The following RPS6KC1 variants were observed in gnomAD, a reference collection of about 807,000 sequenced individuals.
The protein encoded by RPS6KC1 is ribosomal protein S6 kinase C1.
A neutral mutation model predicts 103.8 loss-of-function variants in RPS6KC1; 54 were observed. That is an observed-to-expected ratio of 0.52 (90% confidence interval 0.42 to 0.65). The LOEUF (loss-of-function observed/expected upper bound fraction) is 0.65. Ranked by LOEUF, RPS6KC1 falls within the 30% of genes least tolerant of loss-of-function variation. RPS6KC1 has a pLI of 0.00. For synonymous variants in RPS6KC1, 439 were observed against 438.7 expected (o/e 1.00, Z -0.01); for missense variants, 1,151 against 1,253.8 (o/e 0.92, Z 1.24).
At chr1:213,793,226 C>T in the RPS6KC1 span, among the ~76,000 whole-genome samples, 1 of 152,172 alleles carries the variant, frequency 6.6e-6, no homozygotes, top group African/African-American at 2.4e-5. Context: ...TAGACCTGGG[C>T]TTGCTCCAGC....
At chr1:213,354,328 C>G in the RPS6KC1 span, among the ~76,000 whole-genome samples, 5 of 152,302 alleles carry the variant, frequency 3.3e-5, no homozygotes, top group East Asian at 7.7e-4. Context: ...TGGTAATGAT[C>G]CCCTGCACTT....
At chr1:213,291,659 A>G in the RPS6KC1 span, among the ~76,000 whole-genome samples, 1 of 152,238 alleles carries the variant, frequency 6.6e-6, no homozygotes, top group African/African-American at 2.4e-5. Context: ...GCAGCACTGC[A>G]TAAGGAAGAA....
chr1:213,310,675 T>A, the RPS6KC1 span, among the ~76,000 whole-genome samples: 4 of 152,380 alleles, frequency 2.6e-5, no homozygotes, highest in Middle Eastern at 6.8e-3. Context: ...GTATCTCTTT[T>A]GTTTGCAGGC....
rs866050621 is a variant in RPS6KC1, at chr1:213,101,039, C to T, written c.263-3415C>T. 2.0e-5 allele frequency among the ~76,000 whole-genome samples: 3 copies of T among 152,160 alleles called. No homozygotes were observed. The South Asian group carries it at 6.2e-4, about 32-fold the overall frequency. On this transcript the variant is annotated intron_variant, in intron 3 of 14. Coordinates refer to ENST00000366960, the MANE Select transcript of RPS6KC1 (RefSeq NM_012424.6). ...CACAGGGGCTGAACTAATTTACACT[C>T]CCACCAACAGTTTATAAGCATTCCC... is the stretch of plus-strand genomic sequence containing the variant.
chr1:213,809,553 A>G, the RPS6KC1 span, among the ~76,000 whole-genome samples: 2 of 152,214 alleles, frequency 1.3e-5, no homozygotes, highest in African/African-American at 4.8e-5. Flanking sequence ...ATAAAGTACA[A>G]TAAAACAAAG....
In RPS6KC1 at chr1:213,116,987, T is replaced by C. The variant is rs943746199; in HGVS notation, c.379-330T>C. Reference sequence around the variant, plus strand: ...CTTTCTCTCTGGCTGCTCTTAACATTTTTTGAATTTTAAAATAATAGTCTA... The same window carrying C: ...CTTTCTCTCTGGCTGCTCTTAACATCTTTTGAATTTTAAAATAATAGTCTA... On this transcript the variant is annotated intron_variant, in intron 4 of 14. Transcript: ENST00000366960. Among the ~76,000 whole-genome samples the C allele has an allele frequency of 5.3e-5, 8 of 152,250 alleles. No individual in the cohort carries two copies. The South Asian group carries it at 1.5e-3, about 28-fold the overall frequency.
chr1:213,461,079 T>G, the RPS6KC1 span, among the ~76,000 whole-genome samples: 1 of 152,156 alleles, frequency 6.6e-6, no homozygotes, highest in Non-Finnish European at 1.5e-5. Context: ...GATAAGCAGC[T>G]TCAGCAAAGT....
At chr1:213,407,831 G>A in the RPS6KC1 span, among the ~76,000 whole-genome samples, 2 of 152,334 alleles carry the variant, frequency 1.3e-5, no homozygotes, top group Non-Finnish European at 2.9e-5. Context: ...CAGTCCATAT[G>A]ATTGCATGTG....
chr1:213,342,365 G>C, the RPS6KC1 span, among the ~76,000 whole-genome samples: 1 of 152,160 alleles, frequency 6.6e-6, no homozygotes, highest in Admixed American at 6.5e-5. Context: ...ATTTATATAT[G>C]AATTGCTTTT....
the RPS6KC1 span, among the ~76,000 whole-genome samples, chr1:213,360,309 A>C: frequency 3.9e-5 from 6 of 151,956 alleles, no homozygotes; most frequent in South Asian, 1.3e-3. Flanking sequence ...CATTCATTTG[A>C]TCTTCCATCA....
the RPS6KC1 span, among the ~76,000 whole-genome samples, chr1:213,358,063 G>A: frequency 4.6e-5 from 7 of 152,188 alleles, no homozygotes; most frequent in Non-Finnish European, 7.3e-5. Flanking sequence ...TTTTTGCATC[G>A]ATGTTCATCA....
chr1:213,328,068 A>T, the RPS6KC1 span, among the ~76,000 whole-genome samples: 1 of 152,182 alleles, frequency 6.6e-6, no homozygotes, highest in African/African-American at 2.4e-5. Context: ...ATTTACATGT[A>T]TGGTAGCTGT....
At chr1:213,573,762 G>A in the RPS6KC1 span, among the ~76,000 whole-genome samples, 1 of 152,192 alleles carries the variant, frequency 6.6e-6, no homozygotes, top group Admixed American at 6.5e-5. Flanking sequence ...GTGGGGGTAG[G>A]AGAGCCTTTG....
chr1:213,364,080 G>A, the RPS6KC1 span, among the ~76,000 whole-genome samples: 3 of 152,010 alleles, frequency 2.0e-5, no homozygotes, highest in Non-Finnish European at 4.4e-5. Context: ...TAGGCTTTGT[G>A]GGCCATACAG....
chr1:213,687,573 T>C, the RPS6KC1 span, among the ~76,000 whole-genome samples: 1 of 152,206 alleles, frequency 6.6e-6, no homozygotes, highest in Non-Finnish European at 1.5e-5. Flanking sequence ...TTCCTCTGCA[T>C]TTCTAGCAGT....
intron 3 of RPS6KC1, among the ~76,000 whole-genome samples, chr1:213,083,119 CATT>C (rs1419087824): frequency 6.6e-6 from 1 of 152,082 alleles, no homozygotes; most frequent in Non-Finnish European, 1.5e-5. Context: ...TATGCAGAAA[CATT>C]GTTAGCTTGG....
chr1:213,134,768 T>C (rs2086077202), intron 6 of RPS6KC1, among the ~76,000 whole-genome samples: 1 of 152,148 alleles, frequency 6.6e-6, no homozygotes, highest in South Asian at 2.1e-4. Context: ...AAGTTTAGGT[T>C]TGATAAAGGG....
chr1:213,795,731 A>G, the RPS6KC1 span, among the ~76,000 whole-genome samples: 4 of 152,120 alleles, frequency 2.6e-5, no homozygotes, highest in African/African-American at 4.8e-5. Flanking sequence ...AACGTCCACC[A>G]TGAAAATTCC....
chr1:213,829,533 A>G, the RPS6KC1 span, among the ~76,000 whole-genome samples: 37 of 152,304 alleles, frequency 2.4e-4, no homozygotes, highest in East Asian at 6.4e-3. Context: ...CCAACCAAGC[A>G]TCTTACCAGA....
Sources: allele counts gnomAD v4.1 joint callset (sites outside exome capture counted in the v4.1 genomes callset), GRCh38; gene constraint gnomAD v4.1.1; transcripts MANE v1.5; gene names NCBI Gene and HGNC (gene_info 2026-07-23, HGNC 2026-07-21).